Variants in LYPLAL1 observed in about 807,000 individuals in gnomAD.
The protein encoded by LYPLAL1 is lysophospholipase-like protein 1.
LYPLAL1 carries 23 observed loss-of-function variants against 19.7 expected under a neutral mutation model. That is an observed-to-expected ratio of 1.17 (90% confidence interval 0.84 to 1.65). The LOEUF (loss-of-function observed/expected upper bound fraction) is 1.65. Among genes scored for constraint, LYPLAL1 ranks in the 40% most tolerant of loss-of-function variants. The pLI, the probability that LYPLAL1 is intolerant of heterozygous loss-of-function variation, is 0.00. For synonymous variants in LYPLAL1, 119 were observed against 96.3 expected (o/e 1.24, Z -1.38); for missense variants, 355 against 279.4 (o/e 1.27, Z -1.93).
chr1:219,306,699 A>C, the LYPLAL1 span, among the ~76,000 whole-genome samples: 2 of 151,544 alleles, frequency 1.3e-5, no homozygotes, highest in South Asian at 4.2e-4. Context: ...TATGTGAGCC[A>C]AATCCTTAAG....
the LYPLAL1 span, among the ~76,000 whole-genome samples, chr1:219,379,516 C>G: frequency 6.6e-6 from 1 of 152,138 alleles, no homozygotes; most frequent in South Asian, 2.1e-4. Flanking sequence ...AAATGACAAG[C>G]TTAAGGACAT....
intron 2 of LYPLAL1, among the ~76,000 whole-genome samples, chr1:219,187,409 T>C (rs1656816113): frequency 4.6e-5 from 7 of 151,648 alleles, no homozygotes; most frequent in Admixed American, 4.6e-4. Context: ...CTTTTTTTTT[T>C]CACTGTGGTA....
the LYPLAL1 span, among the ~76,000 whole-genome samples, chr1:219,344,038 G>T: frequency 6.6e-6 from 1 of 152,104 alleles, no homozygotes; most frequent in Non-Finnish European, 1.5e-5. Flanking sequence ...CTTAAGGAAA[G>T]ATTCCCCTCC....
At chr1:219,344,250 C>T in the LYPLAL1 span, among the ~76,000 whole-genome samples, 4 of 152,168 alleles carry the variant, frequency 2.6e-5, no homozygotes, top group Admixed American at 2.6e-4. Flanking sequence ...AGTGAACCCC[C>T]ATTGTTTTCT....
intron 3 of LYPLAL1, among the ~76,000 whole-genome samples, chr1:219,197,261 C>T (rs11118235): frequency 0.53 from 80,748 of 151,944 alleles, 21,853 homozygotes; most frequent in African/African-American, 0.62. Flanking sequence ...AACAGCATGG[C>T]ACTGGTACAA....
chr1:219,192,659 A>G (rs1657276206), intron 2 of LYPLAL1, among the ~76,000 whole-genome samples: 1 of 151,514 alleles, frequency 6.6e-6, no homozygotes, highest in Non-Finnish European at 1.5e-5. Flanking sequence ...ATTTACATCT[A>G]CCAACATAAT....
intron 1 of LYPLAL1, among the ~76,000 whole-genome samples, chr1:219,177,480 A>G (rs1391776951): frequency 1.3e-5 from 2 of 151,810 alleles, no homozygotes; most frequent in East Asian, 3.9e-4. Flanking sequence ...AACCCATGGT[A>G]TAAGACCTTG....
At chr1:219,213,352 G>GT (rs1659172160), downstream of LYPLAL1, among the ~76,000 whole-genome samples, 1 of 150,324 alleles carries the variant, frequency 6.7e-6, no homozygotes, top group Non-Finnish European at 1.5e-5. Context: ...ATCAGGTAGA[G>GT]TAAGTCCTCT....
At chr1:219,304,011 C>A in the LYPLAL1 span, among the ~76,000 whole-genome samples, 74 of 152,170 alleles carry the variant, frequency 4.9e-4, no homozygotes, top group African/African-American at 1.7e-3. Flanking sequence ...TGCTTAAGAC[C>A]AAAACAATTA....
At position 219,179,871 on chromosome 1, in the gene LYPLAL1, C is replaced by T. The variant is rs1296219177; in HGVS notation, c.191+625C>T. 7.9e-5 allele frequency among the ~76,000 whole-genome samples: 12 copies of T among 152,026 alleles called. No individual in the cohort carries two copies. In the South Asian group the frequency reaches 1.5e-3, roughly 18 times the overall value. On this transcript the variant is annotated intron_variant, in intron 2 of 4. Transcript: ENST00000366928. ...ATTAACATCTGCATAGTCTTTTATT[C>T]GGAACACATGCCGTAAATCAGGGAT...
the LYPLAL1 span, among the ~76,000 whole-genome samples, chr1:219,242,797 T>TG: frequency 6.6e-6 from 1 of 152,004 alleles, no homozygotes; most frequent in Non-Finnish European, 1.5e-5. Flanking sequence ...ATAAGATATT[T>TG]GGAGATGGGC....
At chr1:219,346,162 C>A in the LYPLAL1 span, among the ~76,000 whole-genome samples, 1 of 152,036 alleles carries the variant, frequency 6.6e-6, no homozygotes, top group Non-Finnish European at 1.5e-5. Flanking sequence ...GGTGCTGCAG[C>A]CAAGGAGATG....
At chr1:219,405,755 T>G in the LYPLAL1 span, among the ~76,000 whole-genome samples, 2 of 152,306 alleles carry the variant, frequency 1.3e-5, no homozygotes, top group East Asian at 3.9e-4. Context: ...ATATACAGTA[T>G]GCAAAGGCAG....
At chr1:219,312,796 G>A in the LYPLAL1 span, among the ~76,000 whole-genome samples, 1 of 152,344 alleles carries the variant, frequency 6.6e-6, no homozygotes, top group Admixed American at 6.5e-5. Flanking sequence ...CTGCGTTAGA[G>A]AAGGTAGCAG....
the LYPLAL1 span, among the ~76,000 whole-genome samples, chr1:219,436,876 T>A: frequency 6.6e-6 from 1 of 152,218 alleles, no homozygotes; most frequent in African/African-American, 2.4e-5. Flanking sequence ...AACTTCTAAA[T>A]AACAATTTTT....
At chr1:219,342,054 G>A in the LYPLAL1 span, among the ~76,000 whole-genome samples, 2 of 152,024 alleles carry the variant, frequency 1.3e-5, no homozygotes, top group African/African-American at 4.8e-5. Flanking sequence ...TTGTAACACA[G>A]TCAACAATCA....
chr1:219,336,380 C>G, the LYPLAL1 span, among the ~76,000 whole-genome samples: 1 of 151,682 alleles, frequency 6.6e-6, no homozygotes, highest in Non-Finnish European at 1.5e-5. Context: ...TCTTCATTCA[C>G]CAAGATAATG....
the LYPLAL1 span, among the ~76,000 whole-genome samples, chr1:219,306,725 G>A: frequency 6.9e-6 from 1 of 145,242 alleles, no homozygotes; most frequent in African/African-American, 2.6e-5. Flanking sequence ...TAGGTAGGTA[G>A]GTAGACAGAC....
chr1:219,326,034 C>T, the LYPLAL1 span, among the ~76,000 whole-genome samples: 1 of 152,154 alleles, frequency 6.6e-6, no homozygotes, highest in African/African-American at 2.4e-5. Flanking sequence ...CTGCCTCAGC[C>T]TCCCGAGTAG....
Sources: gnomAD v4.1 joint callset for allele counts (sites outside exome capture counted in the v4.1 genomes callset) on GRCh38, gnomAD v4.1.1 for gene constraint, MANE v1.5 for transcripts, NCBI Gene and HGNC (gene_info 2026-07-23, HGNC 2026-07-21) for gene names.